Variants in ZNF722 observed in about 807,000 individuals in gnomAD.
ZNF722 encodes zinc finger protein 479 pseudogene.
chr7:64,011,928 C>G, the ZNF722 span, among the ~76,000 whole-genome samples: 3 of 152,158 alleles, frequency 2.0e-5, no homozygotes, highest in Non-Finnish European at 2.9e-5. Context: ...TCCCATATTT[C>G]TTGGAGGCTT....
chr7:64,004,426 A>AAAAAAAAAAATATATATATATG, the ZNF722 span, among the ~76,000 whole-genome samples: 162 of 47,636 alleles, frequency 3.4e-3, 1 homozygote, highest in Non-Finnish European at 4.6e-3. Context: ...AAAAAAAAAA[A>AAAAAAAAAAATATATATATATG]TATATATATA....
the ZNF722 span, among the ~76,000 whole-genome samples, chr7:64,000,741 A>G: frequency 6.7e-6 from 1 of 150,068 alleles, no homozygotes; most frequent in Non-Finnish European, 1.5e-5. Context: ...ATAAGTTATC[A>G]CACCCAGCCT....
chr7:64,007,246 A>ATATATATATATATATATATATT, the ZNF722 span, among the ~76,000 whole-genome samples: 45 of 145,620 alleles, frequency 3.1e-4, no homozygotes, highest in African/African-American at 1.1e-3. Flanking sequence ...ATATATATAT[A>ATATATATATATATATATATATT]TATATATATT....
chr7:64,006,673 T>A, the ZNF722 span, among the ~76,000 whole-genome samples: 3 of 152,036 alleles, frequency 2.0e-5, no homozygotes, highest in Non-Finnish European at 2.9e-5. Flanking sequence ...ATTTATAAAA[T>A]TTTTTTTGCA....
At chr7:64,003,253 T>G in the ZNF722 span, among the ~76,000 whole-genome samples, 63 of 151,646 alleles carry the variant, frequency 4.2e-4, no homozygotes, top group South Asian at 0.012. Flanking sequence ...AAAAGAAACT[T>G]ATATTTTAAT....
the ZNF722 span, among the ~76,000 whole-genome samples, chr7:64,011,349 A>T: frequency 2.6e-5 from 4 of 152,098 alleles, no homozygotes; most frequent in African/African-American, 7.2e-5. Flanking sequence ...AGCATCGATG[A>T]TCTTTATAAT....
chr7:64,012,058 T>A, the ZNF722 span, among the ~76,000 whole-genome samples: 1 of 152,166 alleles, frequency 6.6e-6, no homozygotes, highest in South Asian at 2.1e-4. Flanking sequence ...TTCACTTGAT[T>A]GAATCGGCTA....
chr7:63,999,666 TTTC>T, the ZNF722 span, among the ~76,000 whole-genome samples: 3 of 152,162 alleles, frequency 2.0e-5, no homozygotes, highest in Non-Finnish European at 4.4e-5. Flanking sequence ...CCTGAATTTT[TTTC>T]TTCAATATAA....
chr7:64,016,800 C>G, the ZNF722 span, among the ~76,000 whole-genome samples: 2 of 152,066 alleles, frequency 1.3e-5, no homozygotes, highest in African/African-American at 2.4e-5. Context: ...AGCATTTAAC[C>G]ATACCTCAAA....
the ZNF722 span, among the ~76,000 whole-genome samples, chr7:64,010,425 A>G: frequency 4.6e-5 from 7 of 152,222 alleles, no homozygotes; most frequent in South Asian, 1.5e-3. Flanking sequence ...TGTGTCCCAG[A>G]GATTCTGGTA....
chr7:64,006,177 A>T, the ZNF722 span: 1 of 1,044,406 alleles, frequency 9.6e-7, no homozygotes, highest in Non-Finnish European at 1.3e-6. Flanking sequence ...TTTGGTAATT[A>T]AAGAATTCAG....
the ZNF722 span, chr7:64,015,782 C>T: frequency 1.9e-6 from 3 of 1,611,822 alleles, no homozygotes; most frequent in South Asian, 2.2e-5. Flanking sequence ...GCTCCTCAAC[C>T]CTTAAGACAC....
chr7:64,008,588 G>A, the ZNF722 span, among the ~76,000 whole-genome samples: 1 of 152,124 alleles, frequency 6.6e-6, no homozygotes, highest in African/African-American at 2.4e-5. Flanking sequence ...GCTCTGTTCT[G>A]TTCCATTGGT....
the ZNF722 span, chr7:63,998,912 C>T: frequency 6.8e-7 from 1 of 1,471,528 alleles, no homozygotes. Flanking sequence ...TTCTCTGCTC[C>T]TAGAGGCCAA....
the ZNF722 span, among the ~76,000 whole-genome samples, chr7:64,017,909 A>C: frequency 1.8e-3 from 270 of 152,306 alleles, 1 homozygote; most frequent in African/African-American, 6.2e-3. Flanking sequence ...TAATATTGTA[A>C]CTCAAGTCTC....
chr7:64,000,833 A>C, the ZNF722 span, among the ~76,000 whole-genome samples: 1 of 151,866 alleles, frequency 6.6e-6, no homozygotes, highest in Non-Finnish European at 1.5e-5. Context: ...GCTGGAGTGC[A>C]TTGGTGTGAT....
chr7:64,000,633 T>C, the ZNF722 span, among the ~76,000 whole-genome samples: 2 of 151,208 alleles, frequency 1.3e-5, no homozygotes, highest in African/African-American at 4.9e-5. Context: ...TTATTTTTAG[T>C]AGAGACACAG....
chr7:64,000,957 A>G, the ZNF722 span, among the ~76,000 whole-genome samples: 3 of 151,734 alleles, frequency 2.0e-5, no homozygotes, highest in Admixed American at 6.6e-5. Flanking sequence ...TTTTATTTTT[A>G]GTAGAGTCTG....
the ZNF722 span, chr7:64,015,585 T>G: frequency 6.2e-7 from 1 of 1,613,790 alleles, no homozygotes; most frequent in Non-Finnish European, 8.5e-7. Flanking sequence ...ATGTGAAGAA[T>G]GTGGCCAAGC....
Sources: allele counts gnomAD v4.1 joint callset (sites outside exome capture counted in the v4.1 genomes callset), GRCh38; gene constraint gnomAD v4.1.1; transcripts MANE v1.5; gene names NCBI Gene and HGNC (gene_info 2026-07-23, HGNC 2026-07-21).